The following IKBKG variants were observed in gnomAD, a reference collection of about 807,000 sequenced individuals.
The protein encoded by IKBKG is inhibitor of nuclear factor kappa B kinase regulatory subunit gamma.
Under a neutral mutation model 13.7 loss-of-function variants are expected in IKBKG, and 2 were observed. That is an observed-to-expected ratio of 0.15 (90% CI 0.06 to 0.46). The LOEUF is 0.46. Among genes scored for constraint, IKBKG ranks in the 20% least tolerant of loss-of-function variants. The probability of loss-of-function intolerance (pLI) is 0.98; values close to 1 mark genes in which losing one functional copy is unlikely to be tolerated. For missense variants in IKBKG, 53 were observed against 150.3 expected (o/e 0.35, Z 3.39); for synonymous variants, 22 against 64.4 (o/e 0.34, Z 3.15).
At chrX:154,548,990 CTTTCT>C (rs1442591935) in intron 1 of IKBKG, among the ~76,000 whole-genome samples, 1 of 102,643 alleles carries the variant, frequency 9.7e-6, no homozygotes, top group African/African-American at 3.6e-5. Context: ...TTCTTTCTTT[CTTTCT>C]TTTTTTTTTT....
chrX:154,549,122 A>G (rs1438699084), intron 1 of IKBKG, among the ~76,000 whole-genome samples: 1 of 106,951 alleles, frequency 9.4e-6, no homozygotes, highest in Admixed American at 1.0e-4. Context: ...CGCTGGGACT[A>G]CAGTTGTGCA....
chrX:154,553,187 T>G (rs2070980812), intron 2 of IKBKG, among the ~76,000 whole-genome samples: 2 of 112,518 alleles, frequency 1.8e-5, no homozygotes, highest in Admixed American at 1.9e-4. Context: ...CACCCCTTCC[T>G]TGCAGGAGTC....
chrX:154,545,801 C>T (rs144918804), upstream of IKBKG: 12,549 of 362,128 alleles, frequency 0.035, 234 homozygotes, highest in Non-Finnish European at 0.046. Context: ...CGCCACTGCA[C>T]CCCATCCTGG....
upstream of IKBKG, chrX:154,547,216 C>T: frequency 3.8e-6 from 2 of 522,439 alleles, no homozygotes; most frequent in Non-Finnish European, 2.3e-6. Context: ...GGCTCCACTT[C>T]CGCCGGCAGC....
At chrX:154,554,529 C>CG (rs1384932126) in intron 2 of IKBKG, among the ~76,000 whole-genome samples, 1 of 111,922 alleles carries the variant, frequency 8.9e-6, no homozygotes. Context: ...GAGGCCCAGG[C>CG]GGGGGGATCA....
intron 2 of IKBKG, among the ~76,000 whole-genome samples, chrX:154,552,971 G>T (rs2070975305): frequency 8.9e-6 from 1 of 112,017 alleles, no homozygotes; most frequent in Non-Finnish European, 1.9e-5. Flanking sequence ...GGGTTAGCCT[G>T]GCGGGGCCAG....
chrX:154,547,535 C>G (rs1407852065), upstream of IKBKG: 4 of 754,954 alleles, frequency 5.3e-6, no homozygotes, highest in South Asian at 2.0e-4. Context: ...GCGGCCCTAC[C>G]GCGGCCTCAC....
chrX:154,547,367 CG>C, upstream of IKBKG: 3 of 755,074 alleles, frequency 4.0e-6, no homozygotes, highest in Non-Finnish European at 4.7e-6. Flanking sequence ...CCGGAGAGGG[CG>C]GGGCGGCCGA....
intron 2 of IKBKG, among the ~76,000 whole-genome samples, chrX:154,553,151 A>G (rs1197973946): frequency 1.8e-5 from 2 of 112,417 alleles, no homozygotes; most frequent in African/African-American, 6.5e-5. Flanking sequence ...CTCAGGCCTA[A>G]GTGTCCACCC....
At chrX:154,545,835 C>A, upstream of IKBKG, 2 of 418,473 alleles carry the variant, frequency 4.8e-6, no homozygotes, top group East Asian at 4.3e-5. Context: ...AACTCCGTCT[C>A]CAAAAAAAAA....
intron 1 of IKBKG, among the ~76,000 whole-genome samples, chrX:154,541,595 G>C (rs947262371): frequency 5.4e-5 from 6 of 111,934 alleles, no homozygotes; most frequent in South Asian, 7.4e-4. Flanking sequence ...TTGGTCAAGA[G>C]TCTACTCGTG....
upstream of IKBKG, chrX:154,546,106 C>T (rs1557233196): frequency 2.0e-5 from 24 of 1,211,673 alleles, no homozygotes; most frequent in Non-Finnish European, 2.6e-5. Flanking sequence ...AAGCTCTTCC[C>T]GCAGGATCCC....
intron 1 of IKBKG, 85 bp downstream of exon 1, chrX:154,547,830 C>G (rs1178699920): frequency 6.6e-6 from 5 of 753,940 alleles, no homozygotes; most frequent in South Asian, 6.8e-5. Flanking sequence ...CAGGCTCCCC[C>G]CTCTTTTTTG....
At chrX:154,544,253 CCT>C (rs2070620360), upstream of IKBKG, among the ~76,000 whole-genome samples, 1 of 110,622 alleles carries the variant, frequency 9.0e-6, no homozygotes, top group South Asian at 3.8e-4. Flanking sequence ...CCTCTGACTC[CCT>C]GATTCAAGCG....
upstream of IKBKG, chrX:154,546,300 G>C (rs1258200805): frequency 2.4e-6 from 2 of 850,065 alleles, no homozygotes; most frequent in Non-Finnish European, 3.4e-6. Context: ...TGAACGGCTG[G>C]GCATTGGGGA....
chrX:154,552,333 C>A, intron 2 of IKBKG, 144 bp downstream of exon 2: 1 of 442,181 alleles, frequency 2.3e-6, no homozygotes, highest in Non-Finnish European at 3.7e-6. Context: ...TGCAGATTAG[C>A]GGGGAGGAAG....
chrX:154,542,553 G>A, upstream of IKBKG: 1 of 1,016,023 alleles, frequency 9.8e-7, no homozygotes, highest in Non-Finnish European at 1.3e-6. Context: ...CCCCAGGAAG[G>A]AAGCTGGGTG....
intron 2 of IKBKG, among the ~76,000 whole-genome samples, chrX:154,555,769 G>A (rs1293343235): frequency 5.1e-4 from 57 of 111,123 alleles, no homozygotes; most frequent in Non-Finnish European, 9.5e-4. Flanking sequence ...TATTAGAGAC[G>A]GGGTTTCACC....
intron 1 of IKBKG, among the ~76,000 whole-genome samples, chrX:154,550,974 G>A (rs1283068282): frequency 9.0e-6 from 1 of 110,685 alleles, no homozygotes; most frequent in Admixed American, 9.6e-5. Flanking sequence ...TACCATGCCT[G>A]GCTAATTTTT....
Sources: gnomAD v4.1 joint callset for allele counts (sites outside exome capture counted in the v4.1 genomes callset) on GRCh38, gnomAD v4.1.1 for gene constraint, MANE v1.5 for transcripts, NCBI Gene and HGNC (gene_info 2026-07-23, HGNC 2026-07-21) for gene names.